LNX2: variants seen among roughly 807,000 people sequenced by gnomAD.
LNX2 encodes ligand of numb-protein X 2, also known as ligand of Numb protein X 2.
A neutral mutation model predicts 66.2 loss-of-function variants in LNX2; 35 were observed. The ratio of observed to expected loss-of-function variants is 0.53; its 90% confidence interval spans 0.40 to 0.70. LNX2 has a LOEUF of 0.70. Among genes scored for constraint, LNX2 ranks in the 30% least tolerant of loss-of-function variants. The pLI, the probability that LNX2 is intolerant of heterozygous loss-of-function variation, is 0.00. For missense variants in LNX2, 791 were observed against 850.8 expected (o/e 0.93, Z 0.87); for synonymous variants, 337 against 315.6 (o/e 1.07, Z -0.72).
chr13:27,600,481 A>C (rs1225892906), intron 1 of LNX2, among the ~76,000 whole-genome samples: 1 of 152,222 alleles, frequency 6.6e-6, no homozygotes, highest in Non-Finnish European at 1.5e-5. Context: ...GTACAGAAAC[A>C]TAACCGTAGA....
chr13:27,586,169 G>A (rs1352456472), intron 1 of LNX2, among the ~76,000 whole-genome samples: 2 of 151,138 alleles, frequency 1.3e-5, no homozygotes, highest in African/African-American at 2.4e-5. Context: ...CAAATCATAG[G>A]TGCAATGTAA....
intron 5 of LNX2, among the ~76,000 whole-genome samples, chr13:27,560,756 T>C (rs1955125805): frequency 6.6e-6 from 1 of 152,058 alleles, no homozygotes; most frequent in South Asian, 2.1e-4. Context: ...AAGTCTAATT[T>C]ATTTGATGCT....
At chr13:27,555,706 C>T in intron 7 of LNX2, among the ~76,000 whole-genome samples, 1 of 152,130 alleles carries the variant, frequency 6.6e-6, no homozygotes, top group East Asian at 1.9e-4. Flanking sequence ...TTTTCAGAGT[C>T]ACTTTTCTTA....
At chr13:27,581,986 C>T (rs896246988) in intron 1 of LNX2, among the ~76,000 whole-genome samples, 183 bp from the exon 2 acceptor site, 3 of 151,960 alleles carry the variant, frequency 2.0e-5, no homozygotes, top group Admixed American at 2.0e-4. Flanking sequence ...CTTACACTGC[C>T]AAGTTCTTTT....
At position 27,549,072 on chromosome 13, in the gene LNX2, C is replaced by G. The variant is rs889342763; in HGVS notation, c.1938-602G>C. On this transcript the variant is annotated intron_variant, in intron 9 of 9. Transcript: ENST00000316334. Reference sequence around the variant, plus strand: ...TTTCTTTTTGGAAGTAGGAGGAATACAAATTATAATTAACAGAGGCCCAGA... The same window carrying G: ...TTTCTTTTTGGAAGTAGGAGGAATAGAAATTATAATTAACAGAGGCCCAGA... 8.5e-5 allele frequency among the ~76,000 whole-genome samples: 13 copies of G among 152,238 alleles called. No homozygotes were observed. In the East Asian group the frequency reaches 2.3e-3, roughly 27 times the overall value.
intron 2 of LNX2, among the ~76,000 whole-genome samples, chr13:27,576,054 G>A (rs935388673): frequency 1.3e-5 from 2 of 152,006 alleles, no homozygotes; most frequent in African/African-American, 4.8e-5. Context: ...TGGGCTACAA[G>A]AAACATAATC....
At chr13:27,587,445 TA>T (rs1348109099) in intron 1 of LNX2, among the ~76,000 whole-genome samples, 2 of 152,142 alleles carry the variant, frequency 1.3e-5, no homozygotes, top group African/African-American at 4.8e-5. Flanking sequence ...ATTAGGCATT[TA>T]AAAAAGATTG....
At chr13:27,581,184 C>CTTCTGTATCTCTTCTGT in intron 2 of LNX2, 113 bp downstream of exon 2, 2 of 686,262 alleles carry the variant, frequency 2.9e-6, no homozygotes, top group Non-Finnish European at 4.6e-6. Flanking sequence ...GTACTTGATT[C>CTTCTGTATCTCTTCTGT]ACCCATTTAC....
intron 1 of LNX2, among the ~76,000 whole-genome samples, chr13:27,591,884 G>A (rs142147662): frequency 8.5e-5 from 13 of 152,332 alleles, no homozygotes; most frequent in African/African-American, 2.6e-4. Flanking sequence ...TGAGAAGGTG[G>A]CATTTGAATT....
At chr13:27,607,533 T>C (rs961776560) in intron 1 of LNX2, among the ~76,000 whole-genome samples, 2 of 152,226 alleles carry the variant, frequency 1.3e-5, no homozygotes, top group Non-Finnish European at 2.9e-5. Flanking sequence ...GATAGAATTA[T>C]TTACTCTTTT....
chr13:27,568,580 A>C (rs907332711), intron 3 of LNX2, among the ~76,000 whole-genome samples: 1 of 152,206 alleles, frequency 6.6e-6, no homozygotes, highest in Non-Finnish European at 1.5e-5. Context: ...TTAAAAAAAA[A>C]ACAAAAACCC....
At chr13:27,565,374 A>T (rs1004761447) in intron 4 of LNX2, among the ~76,000 whole-genome samples, 1 of 152,234 alleles carries the variant, frequency 6.6e-6, no homozygotes, top group Non-Finnish European at 1.5e-5. Context: ...TAAAAAGCCC[A>T]GAAGTGGGAG....
At chr13:27,555,193 C>A (rs1408480301) in intron 7 of LNX2, among the ~76,000 whole-genome samples, 1 of 152,210 alleles carries the variant, frequency 6.6e-6, no homozygotes, top group African/African-American at 2.4e-5. Flanking sequence ...AAGCGATCCA[C>A]CTGCCTTGGC....
At chr13:27,611,253 T>A (rs571354) in intron 1 of LNX2, among the ~76,000 whole-genome samples, 131,316 of 152,238 alleles carry the variant, frequency 0.86, 57,063 homozygotes, top group East Asian at 0.95. Flanking sequence ...TATACAATGG[T>A]ATATTATTCA....
intron 1 of LNX2, among the ~76,000 whole-genome samples, chr13:27,583,225 TGTGTGTGTGTGTGTG>T (rs1955431647): frequency 4.8e-5 from 1 of 20,740 alleles, no homozygotes; most frequent in Non-Finnish European, 9.8e-5. Context: ...TGTGTGTGTG[TGTGTGTGTGTGTGTG>T]TGTGTGTGTG....
intron 1 of LNX2, among the ~76,000 whole-genome samples, chr13:27,595,228 A>C (rs959199697): frequency 1.3e-5 from 2 of 151,964 alleles, no homozygotes; most frequent in African/African-American, 4.8e-5. Flanking sequence ...TCAAGTAAAC[A>C]CTCTGCTGTG....
At chr13:27,573,910 C>G (rs1217824570) in intron 2 of LNX2, among the ~76,000 whole-genome samples, 1 of 134,144 alleles carries the variant, frequency 7.5e-6, no homozygotes, top group Admixed American at 7.3e-5. Context: ...GAAACAAGTA[C>G]AGCCCATTCA....
At chr13:27,593,193 C>T (rs1257922971) in intron 1 of LNX2, among the ~76,000 whole-genome samples, 1 of 152,176 alleles carries the variant, frequency 6.6e-6, no homozygotes, top group African/African-American at 2.4e-5. Context: ...GCTAGTTTCT[C>T]CTCCACCTGG....
At chr13:27,599,973 A>G (rs1212839857) in intron 1 of LNX2, among the ~76,000 whole-genome samples, 1 of 152,184 alleles carries the variant, frequency 6.6e-6, no homozygotes, top group African/African-American at 2.4e-5. Context: ...GTAAAGAATA[A>G]TACATTTTTT....
Sources: gnomAD v4.1 joint callset for allele counts (sites outside exome capture counted in the v4.1 genomes callset) on GRCh38, gnomAD v4.1.1 for gene constraint, MANE v1.5 for transcripts, NCBI Gene and HGNC (gene_info 2026-07-23, HGNC 2026-07-21) for gene names.